Variants in GPD2 observed in about 807,000 individuals in gnomAD.
GPD2 encodes glycerol-3-phosphate dehydrogenase, mitochondrial.
A neutral mutation model predicts 82.4 loss-of-function variants in GPD2; 54 were observed. That is an observed-to-expected ratio of 0.66 (90% CI 0.53 to 0.82). GPD2 has a LOEUF of 0.82. GPD2 is among the 40% of genes least tolerant of loss of function. The pLI is 0.00. For synonymous variants in GPD2, 288 were observed against 306.1 expected (o/e 0.94, Z 0.62); for missense variants, 748 against 896.2 (o/e 0.83, Z 2.11).
chr2:156,425,257 A>T, the GPD2 span, among the ~76,000 whole-genome samples: 22 of 151,956 alleles, frequency 1.4e-4, no homozygotes, highest in Non-Finnish European at 2.8e-4. Context: ...TACCACCAGA[A>T]CTGGCTAATT....
intron 6 of GPD2, among the ~76,000 whole-genome samples, chr2:156,534,245 T>C (rs1685977293): frequency 1.3e-5 from 1 of 75,694 alleles, no homozygotes. Flanking sequence ...GCCCTTTCTC[T>C]TCTCTCCTCT....
chr2:156,445,223 A>G (rs1449189479), intron 1 of GPD2, among the ~76,000 whole-genome samples: 1 of 152,232 alleles, frequency 6.6e-6, no homozygotes, highest in Non-Finnish European at 1.5e-5. Context: ...ACCCTGTCAT[A>G]TCAGGGAGCA....
chr2:156,566,098 G>A (rs2105358350), intron 9 of GPD2, among the ~76,000 whole-genome samples: 1 of 152,146 alleles, frequency 6.6e-6, no homozygotes, highest in Admixed American at 6.6e-5. Flanking sequence ...CATGGTATGG[G>A]CTAATAAAGG....
the GPD2 span, among the ~76,000 whole-genome samples, chr2:156,419,251 G>C: frequency 7.9e-5 from 12 of 151,810 alleles, no homozygotes; most frequent in South Asian, 2.1e-3. Flanking sequence ...TAGAGACGAG[G>C]GTTCTCCATG....
At chr2:156,503,530 C>A (rs1304635662) in intron 3 of GPD2, among the ~76,000 whole-genome samples, 1 of 151,994 alleles carries the variant, frequency 6.6e-6, no homozygotes, top group Non-Finnish European at 1.5e-5. Context: ...TTATTTATAA[C>A]AATATTTATA....
chr2:156,471,458 G>A (rs1391166555), intron 1 of GPD2, among the ~76,000 whole-genome samples: 2 of 152,160 alleles, frequency 1.3e-5, no homozygotes, highest in Non-Finnish European at 2.9e-5. Context: ...TACTTCACGT[G>A]TACACAGTCT....
the GPD2 span, among the ~76,000 whole-genome samples, chr2:156,428,084 C>T: frequency 6.6e-6 from 1 of 152,206 alleles, no homozygotes; most frequent in Non-Finnish European, 1.5e-5. Flanking sequence ...CCAACTCCCC[C>T]ACTTCTCCCC....
At chr2:156,512,075 A>G in intron 4 of GPD2, 145 bp from the exon 5 acceptor site, 2 of 670,888 alleles carry the variant, frequency 3.0e-6, no homozygotes, top group Admixed American at 2.1e-5. Context: ...ATGATGTATT[A>G]TTAGAAATTT....
intron 2 of GPD2, among the ~76,000 whole-genome samples, chr2:156,486,973 CT>C (rs1185132705): frequency 6.6e-6 from 1 of 151,978 alleles, no homozygotes; most frequent in African/African-American, 2.4e-5. Context: ...CCCTCTTTAA[CT>C]TCTGGATCTA....
At chr2:156,423,645 T>G in the GPD2 span, among the ~76,000 whole-genome samples, 1 of 152,232 alleles carries the variant, frequency 6.6e-6, no homozygotes, top group Non-Finnish European at 1.5e-5. Flanking sequence ...TTTATTTATC[T>G]TTGTATTTTT....
intron 1 of GPD2, among the ~76,000 whole-genome samples, chr2:156,469,153 A>G (rs975807297): frequency 1.3e-5 from 2 of 152,146 alleles, no homozygotes; most frequent in African/African-American, 2.4e-5. Context: ...TGCAAATGAA[A>G]TGATCTCATT....
At chr2:156,558,087 G>A (rs1483491898) in intron 9 of GPD2, among the ~76,000 whole-genome samples, 1 of 152,182 alleles carries the variant, frequency 6.6e-6, no homozygotes, top group Non-Finnish European at 1.5e-5. Flanking sequence ...AAAAGCCAAA[G>A]TTTACTTCCT....
intron 9 of GPD2, among the ~76,000 whole-genome samples, chr2:156,560,361 A>G (rs1687123394): frequency 6.6e-6 from 1 of 152,214 alleles, no homozygotes; most frequent in South Asian, 2.1e-4. Context: ...AATTGGTGAA[A>G]CTAACAAATA....
chr2:156,451,812 G>A (rs1413948074), intron 1 of GPD2, among the ~76,000 whole-genome samples: 1 of 151,886 alleles, frequency 6.6e-6, no homozygotes, highest in Non-Finnish European at 1.5e-5. Flanking sequence ...TCCCAGACGG[G>A]GTGGCTGCCA....
chr2:156,508,852 A>G (rs1188971623), intron 3 of GPD2, among the ~76,000 whole-genome samples: 1 of 152,160 alleles, frequency 6.6e-6, no homozygotes. Flanking sequence ...CTGGGTTTAT[A>G]TCCTGAATTT....
At chr2:156,543,455 G>A (rs147178382) in intron 6 of GPD2, among the ~76,000 whole-genome samples, 1,590 of 152,248 alleles carry the variant, frequency 0.01, 7 homozygotes, top group Non-Finnish European at 0.012. Context: ...GTGTCTCTTT[G>A]GCTGTGCATT....
Position 156,550,698 on chromosome 2 carries a change from T to A in GPD2, c.923T>A (p.Ile308Asn), listed in dbSNP as rs1316687280. The change falls in exon 8 of 17, where the codon ATC becomes AAC. Residue 308 changes from isoleucine to asparagine, a missense_variant. Physicochemically the swap from Ile to Asn is moderately radical, Grantham distance 149. Around this residue, in one of 3 missense-constraint regions of GPD2, gnomAD observed 692 missense variants for 809.7 expected, o/e 0.85. Transcript: ENST00000438166. ...RKMDDKDAAAICQPSAGVHIV... is the reference protein window; with the variant it reads ...RKMDDKDAAANCQPSAGVHIV... ...ATGGATGATAAAGACGCAGCAGCTA[T>A]CTGCCAGCCAAGTGCTGGTGTCCAT... The A allele has an allele frequency of 6.2e-7, 1 of 1,613,686 alleles. No individual in the cohort carries two copies. The highest frequency in any genetic ancestry group is 2.2e-5 in the East Asian group (1 of 44,872).
chr2:156,426,470 T>C, the GPD2 span, among the ~76,000 whole-genome samples: 1 of 152,206 alleles, frequency 6.6e-6, no homozygotes, highest in African/African-American at 2.4e-5. Flanking sequence ...TTCAATTACC[T>C]TCACCTGGTT....
At chr2:156,513,559 G>A in intron 6 of GPD2, 63 bp downstream of exon 6, 1 of 1,282,508 alleles carries the variant, frequency 7.8e-7, no homozygotes, top group Non-Finnish European at 1.1e-6. Context: ...GACCCGTATA[G>A]TGTATTCTTA....
Sources: allele counts gnomAD v4.1 joint callset (sites outside exome capture counted in the v4.1 genomes callset), GRCh38; gene constraint gnomAD v4.1.1; regional missense constraint gnomAD v4.1.1; transcripts MANE v1.5; gene names NCBI Gene and HGNC (gene_info 2026-07-23, HGNC 2026-07-21).